The following STAC variants were observed in gnomAD, a reference collection of about 807,000 sequenced individuals.
The protein encoded by STAC is SH3 and cysteine-rich domain-containing protein.
In STAC, 43 loss-of-function variants were observed where a neutral mutation model predicts 48.8. The ratio of observed to expected loss-of-function variants is 0.88; its 90% confidence interval spans 0.69 to 1.14. The LOEUF is 1.14. Among genes scored for constraint, STAC ranks in the 50% most tolerant of loss-of-function variants. The pLI is 0.00. For missense variants in STAC, 497 were observed against 504.0 expected (o/e 0.99, Z 0.13); for synonymous variants, 193 against 179.5 (o/e 1.07, Z -0.60).
chr3:36,443,862 A>T lies in STAC; in HGVS notation c.388+222A>T, dbSNP rs893319212. 1.3e-5 allele frequency among the ~76,000 whole-genome samples: 2 copies of T among 152,160 alleles called. No homozygotes were observed. Among genetic ancestry groups the T allele is most frequent in the East Asian group, 3.8e-4 (2 of 5,196 alleles). On this transcript the variant is annotated intron_variant, in intron 2 of 10. Transcript: ENST00000273183. The surrounding 1 kb of genome is among the most constrained non-coding windows in gnomAD (Gnocchi z 4.2). Reference sequence around the variant, plus strand: ...GGGTTGTGATATAGTTGTAATCAGGACTTCAGCTGATCCCCTGTAGATCCC... The same window carrying T: ...GGGTTGTGATATAGTTGTAATCAGGTCTTCAGCTGATCCCCTGTAGATCCC...
Position 36,403,578 on chromosome 3 carries a change from A to G in STAC, c.111+22824A>G, listed in dbSNP as rs534907775. On this transcript the variant is annotated intron_variant, in intron 1 of 10. Coordinates refer to ENST00000273183, the MANE Select transcript of STAC (RefSeq NM_003149.3). ...GCAATGAAAGTAAAATAGAAGTGCCACACAGTAAAAGCAAAAAATGTAAAA... is the reference window on the plus strand; with the variant it reads ...GCAATGAAAGTAAAATAGAAGTGCCGCACAGTAAAAGCAAAAAATGTAAAA... Among the ~76,000 whole-genome samples the G allele has an allele frequency of 4.1e-4, 62 of 152,284 alleles. 1 individual carries two copies. In the South Asian group the frequency reaches 1.0e-2, roughly 24 times the overall value.
At chr3:36,394,353 G>C (rs1699813587) in intron 1 of STAC, among the ~76,000 whole-genome samples, 2 of 152,144 alleles carry the variant, frequency 1.3e-5, no homozygotes, top group South Asian at 4.1e-4. Context: ...TACAGTGCTG[G>C]CTTTGTCCTA....
chr3:36,496,410 G>T (rs1464888764), intron 6 of STAC, among the ~76,000 whole-genome samples: 1 of 152,190 alleles, frequency 6.6e-6, no homozygotes, highest in Non-Finnish European at 1.5e-5. Flanking sequence ...TTCAGAAGCA[G>T]TGTCTAGGAT....
intron 1 of STAC, among the ~76,000 whole-genome samples, chr3:36,426,781 G>A (rs1162159076): frequency 6.6e-6 from 1 of 152,130 alleles, no homozygotes; most frequent in Non-Finnish European, 1.5e-5. Context: ...GAACTCAGAA[G>A]GTTACCCTCA....
chr3:36,475,959 G>T (rs1697481511), intron 2 of STAC, among the ~76,000 whole-genome samples: 2 of 152,196 alleles, frequency 1.3e-5, no homozygotes, highest in South Asian at 4.1e-4. Flanking sequence ...TAGAACATTG[G>T]AATAAAAAGC....
intron 2 of STAC, among the ~76,000 whole-genome samples, chr3:36,462,492 T>C (rs577713031): frequency 1.3e-5 from 2 of 151,794 alleles, no homozygotes; most frequent in Non-Finnish European, 2.9e-5. Context: ...AGCCAGGGAG[T>C]AAGTATAGAC....
At chr3:36,394,291 A>G (rs1387399898) in intron 1 of STAC, among the ~76,000 whole-genome samples, 1 of 152,254 alleles carries the variant, frequency 6.6e-6, no homozygotes, top group Non-Finnish European at 1.5e-5. Context: ...GGGCTACTGT[A>G]TTAAACACCA....
At chr3:36,412,072 A>G (rs1367106268) in intron 1 of STAC, among the ~76,000 whole-genome samples, 1 of 152,208 alleles carries the variant, frequency 6.6e-6, no homozygotes, top group Non-Finnish European at 1.5e-5. Flanking sequence ...TTAAGCAAAT[A>G]TGGGTCTGTT....
intron 5 of STAC, 51 bp from the exon 6 acceptor site, chr3:36,493,100 G>A (rs1698035016): frequency 6.4e-7 from 1 of 1,558,898 alleles, no homozygotes; most frequent in Non-Finnish European, 8.8e-7. Flanking sequence ...CTGCTCAATT[G>A]ACCACAGATA....
chr3:36,482,154 G>A (rs986567489), intron 2 of STAC, among the ~76,000 whole-genome samples: 1 of 152,144 alleles, frequency 6.6e-6, no homozygotes, highest in African/African-American at 2.4e-5. Flanking sequence ...TCTTGTCTGT[G>A]ACTAGATGAA....
chr3:36,528,675 C>T (rs1698993390), intron 8 of STAC, 21 bp from the exon 9 acceptor site: 9 of 1,566,440 alleles, frequency 5.7e-6, no homozygotes, highest in Non-Finnish European at 7.8e-6. Context: ...CTTTACCTAA[C>T]TCATTCATTC....
At chr3:36,522,169 A>C (rs549519079) in intron 8 of STAC, among the ~76,000 whole-genome samples, 1 of 152,338 alleles carries the variant, frequency 6.6e-6, no homozygotes, top group South Asian at 2.1e-4. Flanking sequence ...AAGTATATAA[A>C]TATAATTGAG....
intron 2 of STAC, among the ~76,000 whole-genome samples, chr3:36,477,888 G>A (rs1697535012): frequency 6.6e-6 from 1 of 152,092 alleles, no homozygotes; most frequent in Admixed American, 6.5e-5. Context: ...TCATTCCAAG[G>A]GATGACTTGA....
At chr3:36,418,413 GT>G (rs776672258) in intron 1 of STAC, among the ~76,000 whole-genome samples, 2 of 152,116 alleles carry the variant, frequency 1.3e-5, no homozygotes, top group Non-Finnish European at 2.9e-5. Context: ...ATTTCCAGTT[GT>G]TTAGGTGTTT....
At chr3:36,541,342 A>G (rs1699319751) in intron 10 of STAC, among the ~76,000 whole-genome samples, 1 of 152,220 alleles carries the variant, frequency 6.6e-6, no homozygotes, top group African/African-American at 2.4e-5. Flanking sequence ...AGGGATGGGC[A>G]ACAGAATGAA....
At chr3:36,493,279 C>T (rs755442616) in intron 6 of STAC, 50 bp downstream of exon 6, 3 of 1,578,012 alleles carry the variant, frequency 1.9e-6, no homozygotes, top group East Asian at 2.3e-5. Flanking sequence ...GAGTCAGGGT[C>T]AGTGGGCAGG....
chr3:36,504,524 C>A, intron 7 of STAC, 67 bp downstream of exon 7: 1 of 1,400,278 alleles, frequency 7.1e-7, no homozygotes, highest in Non-Finnish European at 1.0e-6. Context: ...GGTCACCATC[C>A]AAGTGGGTCA....
chr3:36,454,872 T>C (rs1205068240), intron 2 of STAC, among the ~76,000 whole-genome samples: 1 of 152,202 alleles, frequency 6.6e-6, no homozygotes, highest in Non-Finnish European at 1.5e-5. Context: ...AGGCTGTCTC[T>C]CTCAAATTAC....
intron 1 of STAC, among the ~76,000 whole-genome samples, chr3:36,414,536 A>G (rs1222346124): frequency 6.6e-6 from 1 of 152,102 alleles, no homozygotes; most frequent in Non-Finnish European, 1.5e-5. Flanking sequence ...CAGGTCCTTT[A>G]AGGACTCCTC....
Sources: gnomAD v4.1 joint callset for allele counts (sites outside exome capture counted in the v4.1 genomes callset) on GRCh38, gnomAD v4.1.1 for gene constraint, Gnocchi (gnomAD v3.1) non-coding constraint, MANE v1.5 for transcripts, NCBI Gene and HGNC (gene_info 2026-07-23, HGNC 2026-07-21) for gene names.